The following TUBA1C variants were observed in gnomAD, a reference collection of about 807,000 sequenced individuals.
TUBA1C encodes tubulin alpha 1c, also known as tubulin alpha-1C chain.
A neutral mutation model predicts 34.9 loss-of-function variants in TUBA1C; 16 were observed. The ratio of observed to expected loss-of-function variants is 0.46; its 90% CI spans 0.31 to 0.70. The LOEUF (loss-of-function observed/expected upper bound fraction) is 0.70, where lower values mean the gene tolerates loss of function less well. Among genes scored for constraint, TUBA1C ranks in the 30% least tolerant of loss-of-function variants. The pLI is 0.05. For synonymous variants in TUBA1C, 177 were observed against 215.9 expected, an observed-to-expected ratio of 0.82 and a Z score of 1.58; for missense variants, 329 against 587.3, an observed-to-expected ratio of 0.56 and a Z score of 4.55.
intron 1 of TUBA1C, among the ~76,000 whole-genome samples, chr12:49,250,487 G>C (rs2137002237): frequency 6.9e-6 from 1 of 145,586 alleles, no homozygotes; most frequent in African/African-American, 2.6e-5. Flanking sequence ...TCGCGCCACT[G>C]CACTCTAGCC....
intron 1 of TUBA1C, among the ~76,000 whole-genome samples, chr12:49,236,897 G>A (rs533933033): frequency 3.9e-5 from 6 of 152,120 alleles, no homozygotes; most frequent in Non-Finnish European, 8.8e-5. Flanking sequence ...ATAATCTTAC[G>A]GAACCACCAT....
At chr12:49,265,886 G>A (rs189334637) in intron 1 of TUBA1C, among the ~76,000 whole-genome samples, 30 of 151,738 alleles carry the variant, frequency 2.0e-4, no homozygotes, top group African/African-American at 7.3e-4. Flanking sequence ...CCGGCGCAGT[G>A]GCTCACGCCT....
chr12:49,268,206 C>G (rs1942941483), intron 1 of TUBA1C, among the ~76,000 whole-genome samples: 1 of 152,158 alleles, frequency 6.6e-6, no homozygotes, highest in African/African-American at 2.4e-5. Context: ...TCAAGTGATT[C>G]TCATGCCTCA....
intron 1 of TUBA1C, among the ~76,000 whole-genome samples, chr12:49,230,324 T>C (rs1370816613): frequency 2.0e-5 from 3 of 152,128 alleles, no homozygotes; most frequent in Non-Finnish European, 2.9e-5. Context: ...TCTGGCTGGC[T>C]GGAGTGTTAC....
intron 1 of TUBA1C, among the ~76,000 whole-genome samples, chr12:49,250,590 C>A (rs1207012196): frequency 6.6e-6 from 1 of 150,440 alleles, no homozygotes; most frequent in African/African-American, 2.4e-5. Context: ...GGACATCAAT[C>A]TCTGCCCTAC....
Position 49,255,404 on chromosome 12 carries a change from A to AT in TUBA1C, c.214-14061_214-14060insT, listed in dbSNP as rs1374526987. On this transcript the variant is annotated intron_variant, in intron 1 of 3. Transcript: ENST00000541364. ...CCCAGCAGCTGAACTTATCTTTAAAAAATATATATATATATATATATATAT... is the reference window on the plus strand; with the variant it reads ...CCCAGCAGCTGAACTTATCTTTAAAATAATATATATATATATATATATATAT... Among the ~76,000 whole-genome samples the AT allele has an allele frequency of 4.0e-4, 57 of 141,666 alleles. No homozygotes were observed. In the South Asian group the frequency reaches 4.8e-3, roughly 12 times the overall value. The allele number at this position is 141,666 out of a possible 152,430, so 92.9% of individuals were successfully genotyped here.
intron 1 of TUBA1C, among the ~76,000 whole-genome samples, chr12:49,238,480 T>TGAGACTGAGCCCCGC (rs1302050438): frequency 6.6e-6 from 1 of 152,074 alleles, no homozygotes; most frequent in Non-Finnish European, 1.5e-5. Context: ...CTGAGTCCCA[T>TGAGACTGAGCCCCGC]GAGACTGAGC....
intron 1 of TUBA1C, among the ~76,000 whole-genome samples, chr12:49,242,405 C>G (rs1048736694): frequency 6.6e-6 from 1 of 152,158 alleles, no homozygotes; most frequent in Non-Finnish European, 1.5e-5. Flanking sequence ...AAACCAGTCC[C>G]CATGGCCAAA....
intron 1 of TUBA1C, among the ~76,000 whole-genome samples, chr12:49,259,064 T>A (rs1030117963): frequency 2.6e-5 from 4 of 151,692 alleles, no homozygotes; most frequent in Non-Finnish European, 5.9e-5. Context: ...CGGCCAAAAA[T>A]GAAAAATTTT....
At chr12:49,260,030 G>A (rs986745760) in intron 1 of TUBA1C, among the ~76,000 whole-genome samples, 2 of 152,180 alleles carry the variant, frequency 1.3e-5, no homozygotes, top group African/African-American at 2.4e-5. Context: ...TGCTTTTTCA[G>A]TACATGAATA....
intron 1 of TUBA1C, among the ~76,000 whole-genome samples, chr12:49,234,998 AG>A (rs1942537340): frequency 6.6e-6 from 1 of 151,638 alleles, no homozygotes; most frequent in Admixed American, 6.6e-5. Flanking sequence ...TTGTATTTTT[AG>A]TAGAGACGGG....
intron 3 of TUBA1C, among the ~76,000 whole-genome samples, chr12:49,270,713 T>C (rs1009107246): frequency 5.9e-5 from 9 of 152,206 alleles, no homozygotes; most frequent in Non-Finnish European, 1.0e-4. Context: ...CTGGGCACGG[T>C]GGCTGACATC....
At chr12:49,268,136 G>C (rs1369243600) in intron 1 of TUBA1C, among the ~76,000 whole-genome samples, 1 of 152,190 alleles carries the variant, frequency 6.6e-6, no homozygotes, top group African/African-American at 2.4e-5. Flanking sequence ...TCTTGCCTCT[G>C]TTGCCCAGGC....
chr12:49,265,302 C>T, intron 1 of TUBA1C, 118 bp downstream of exon 1: 1 of 736,922 alleles, frequency 1.4e-6, no homozygotes, highest in Middle Eastern at 2.7e-4. Context: ...CCCCGGGCCC[C>T]TCCGGTTAAC....
upstream of TUBA1C, among the ~76,000 whole-genome samples, chr12:49,263,337 A>G (rs562134711): frequency 2.3e-4 from 35 of 151,632 alleles, no homozygotes; most frequent in African/African-American, 8.2e-4. Flanking sequence ...TTTCTTCCCT[A>G]TCCCACTCCC....
chr12:49,265,522 C>G (rs1027841858), intron 1 of TUBA1C, among the ~76,000 whole-genome samples: 3 of 152,230 alleles, frequency 2.0e-5, no homozygotes, highest in African/African-American at 7.2e-5. Context: ...AAAAATCCCT[C>G]CCCACGTTTT....
At chr12:49,260,711 AC>A, upstream of TUBA1C, among the ~76,000 whole-genome samples, 1 of 152,308 alleles carries the variant, frequency 6.6e-6, no homozygotes, top group African/African-American at 2.4e-5. Context: ...AGGAGAAAAA[AC>A]AAACTGCCTT....
intron 1 of TUBA1C, among the ~76,000 whole-genome samples, chr12:49,243,599 A>G (rs1198813693): frequency 4.6e-5 from 7 of 152,056 alleles, no homozygotes; most frequent in East Asian, 1.9e-4. Context: ...TTTGTTTTTG[A>G]TTTTTATTAT....
At chr12:49,232,423 G>A (rs1171951355) in intron 1 of TUBA1C, among the ~76,000 whole-genome samples, 2 of 152,148 alleles carry the variant, frequency 1.3e-5, no homozygotes, top group Non-Finnish European at 2.9e-5. Context: ...GTCAAGCCAC[G>A]TGTGGATTTC....
Sources: allele counts gnomAD v4.1 joint callset (sites outside exome capture counted in the v4.1 genomes callset), GRCh38; gene constraint gnomAD v4.1.1; transcripts MANE v1.5; gene names NCBI Gene and HGNC (gene_info 2026-07-23, HGNC 2026-07-21).